MGAT4C: variants seen among roughly 807,000 people sequenced by gnomAD.
MGAT4C encodes the protein alpha-1,3-mannosyl-glycoprotein 4-beta-N-acetylglucosaminyltransferase C.
Under a neutral mutation model 40.1 loss-of-function variants are expected in MGAT4C, and 19 were observed. The ratio of observed to expected loss-of-function variants is 0.47; its 90% CI spans 0.33 to 0.70. The LOEUF (loss-of-function observed/expected upper bound fraction) is 0.70, where lower values mean the gene tolerates loss of function less well. MGAT4C is among the 30% of genes least tolerant of loss of function. The pLI is 0.02. For missense variants in MGAT4C, 491 were observed against 563.2 expected (o/e 0.87, Z 1.30); for synonymous variants, 181 against 187.1 (o/e 0.97, Z 0.27).
At chr12:86,768,092 TG>T (rs1951550195) in intron 1 of MGAT4C, among the ~76,000 whole-genome samples, 1 of 152,156 alleles carries the variant, frequency 6.6e-6, no homozygotes, top group Admixed American at 6.6e-5. Flanking sequence ...TGTTTGCAGA[TG>T]ACATGATTGT....
At chr12:86,235,840 C>T (rs1235260372) in intron 1 of MGAT4C, among the ~76,000 whole-genome samples, 1 of 151,882 alleles carries the variant, frequency 6.6e-6, no homozygotes, top group Non-Finnish European at 1.5e-5. Context: ...TGTTATTGTC[C>T]TTAGAGTTTA....
intron 1 of MGAT4C, among the ~76,000 whole-genome samples, chr12:86,117,941 C>T (rs1234409875): frequency 2.0e-5 from 3 of 152,096 alleles, no homozygotes; most frequent in Non-Finnish European, 4.4e-5. Flanking sequence ...AGACGAATAG[C>T]TGCCTAAATT....
intron 2 of MGAT4C, among the ~76,000 whole-genome samples, chr12:86,576,390 A>G (rs1210787471): frequency 6.6e-6 from 1 of 151,818 alleles, no homozygotes; most frequent in African/African-American, 2.4e-5. Context: ...ACTGCTCCAG[A>G]AATCTTTGCC....
chr12:86,291,325 T>TGA (rs1310123813), intron 4 of MGAT4C, among the ~76,000 whole-genome samples: 1 of 152,196 alleles, frequency 6.6e-6, no homozygotes, highest in Non-Finnish European at 1.5e-5. Flanking sequence ...AGCATGAACA[T>TGA]GAGATGGGTT....
At chr12:86,207,598 C>T (rs1039726399) in intron 1 of MGAT4C, among the ~76,000 whole-genome samples, 1 of 151,708 alleles carries the variant, frequency 6.6e-6, no homozygotes, top group Non-Finnish European at 1.5e-5. Context: ...ACAGCATGAA[C>T]AAGAATAAAA....
chr12:86,534,586 T>C lies in MGAT4C; in HGVS notation c.-228-99321A>G, dbSNP rs544980364. 5.3e-5 allele frequency among the ~76,000 whole-genome samples: 8 copies of C among 152,292 alleles called. No homozygotes were observed. In the South Asian group the frequency reaches 1.7e-3, roughly 32 times the overall value. On this transcript the variant is annotated intron_variant, in intron 2 of 7. Coordinates refer to the MGAT4C transcript ENST00000548651. Reference sequence around the variant, plus strand: ...TACCTCATTTAACTCTCACCATATATTTATGAAGTAGATTTTTGTCATTTC... The same window carrying C: ...TACCTCATTTAACTCTCACCATATACTTATGAAGTAGATTTTTGTCATTTC...
intron 2 of MGAT4C, among the ~76,000 whole-genome samples, chr12:86,448,093 A>G (rs777459998): frequency 6.6e-6 from 1 of 152,204 alleles, no homozygotes; most frequent in Non-Finnish European, 1.5e-5. Flanking sequence ...AGTTAATTAG[A>G]GAAGGGAATT....
chr12:86,246,303 A>G (rs746145989), intron 1 of MGAT4C, among the ~76,000 whole-genome samples: 7 of 149,194 alleles, frequency 4.7e-5, no homozygotes, highest in Non-Finnish European at 5.9e-5. Flanking sequence ...CTCCTGCCTC[A>G]GCCTCCGGAG....
At chr12:86,157,027 G>A (rs368230206) in intron 1 of MGAT4C, among the ~76,000 whole-genome samples, 3 of 151,590 alleles carry the variant, frequency 2.0e-5, no homozygotes, top group East Asian at 3.9e-4. Context: ...TTCTTAACCT[G>A]TATAATCTCA....
chr12:86,106,486 G>T (rs965305058), intron 1 of MGAT4C, among the ~76,000 whole-genome samples: 1 of 152,034 alleles, frequency 6.6e-6, no homozygotes, highest in African/African-American at 2.4e-5. Context: ...CATTTATTTG[G>T]TAAAGACAGG....
At chr12:86,595,882 G>A (rs902762569) in intron 2 of MGAT4C, among the ~76,000 whole-genome samples, 7 of 151,960 alleles carry the variant, frequency 4.6e-5, no homozygotes, top group Admixed American at 6.6e-5. Context: ...ACAGCTTCCG[G>A]TCAGACCATG....
At chr12:86,006,145 G>A (rs1887850791) in intron 2 of MGAT4C, among the ~76,000 whole-genome samples, 1 of 152,008 alleles carries the variant, frequency 6.6e-6, no homozygotes, top group African/African-American at 2.4e-5. Flanking sequence ...TGTGCTTGTT[G>A]CTGTGTGGGC....
rs375251894 is a variant in MGAT4C, at chr12:86,588,951, A to G, written c.-229+138258T>C. ...ACTAAATGCCCACAAGAGAAAGCAG[A>G]AAAGATCCAAAATTGACACCCTAAC... On this transcript the variant is annotated intron_variant, in intron 2 of 7. Coordinates refer to the MGAT4C transcript ENST00000548651. Among the ~76,000 whole-genome samples, 45 of 151,756 alleles carry G rather than the reference A, an allele frequency of 3.0e-4. 1 individual carries two copies. The highest frequency in any genetic ancestry group is 3.4e-3 in the Middle Eastern group (1 of 294).
chr12:86,045,274 G>A (rs1297541235), intron 2 of MGAT4C, among the ~76,000 whole-genome samples: 1 of 152,156 alleles, frequency 6.6e-6, no homozygotes, highest in Non-Finnish European at 1.5e-5. Flanking sequence ...TTCCTACATT[G>A]CAGCGATTGG....
intron 1 of MGAT4C, among the ~76,000 whole-genome samples, chr12:86,752,555 C>T (rs1951243119): frequency 1.3e-5 from 2 of 152,014 alleles, no homozygotes; most frequent in South Asian, 4.1e-4. Flanking sequence ...GTGATTGGAA[C>T]ACATGAATGA....
chr12:86,126,976 A>T (rs1198976128), intron 1 of MGAT4C, among the ~76,000 whole-genome samples: 1 of 152,208 alleles, frequency 6.6e-6, no homozygotes, highest in Non-Finnish European at 1.5e-5. Context: ...TACATGGAAC[A>T]CACAACCTAG....
At chr12:86,175,407 C>G (rs1452527333) in intron 1 of MGAT4C, among the ~76,000 whole-genome samples, 1 of 152,090 alleles carries the variant, frequency 6.6e-6, no homozygotes, top group Non-Finnish European at 1.5e-5. Flanking sequence ...CCACTCAATC[C>G]TCTATCTAAA....
intron 2 of MGAT4C, among the ~76,000 whole-genome samples, chr12:86,537,140 A>T (rs529785573): frequency 1.3e-4 from 19 of 151,918 alleles, no homozygotes; most frequent in South Asian, 4.2e-4. Flanking sequence ...CAAACACCGC[A>T]TGTTCTCACT....
intron 4 of MGAT4C, among the ~76,000 whole-genome samples, chr12:86,292,507 C>T (rs918109692): frequency 5.3e-5 from 8 of 151,656 alleles, no homozygotes; most frequent in Non-Finnish European, 1.2e-4. Context: ...TCAGCAGGGC[C>T]CATTTTCCCC....
Sources: gnomAD v4.1 joint callset for allele counts (sites outside exome capture counted in the v4.1 genomes callset) on GRCh38, gnomAD v4.1.1 for gene constraint, MANE v1.5 for transcripts, NCBI Gene and HGNC (gene_info 2026-07-23, HGNC 2026-07-21) for gene names.